NFIA: variants seen among roughly 807,000 people sequenced by gnomAD.
NFIA encodes nuclear factor I A.
Under a neutral mutation model 62.8 loss-of-function variants are expected in NFIA, and 8 were observed. The ratio of observed to expected loss-of-function variants is 0.13; its 90% CI spans 0.07 to 0.23. NFIA has a LOEUF of 0.23. Ranked by LOEUF, NFIA falls within the 10% of genes least tolerant of loss-of-function variation. The pLI, the probability that NFIA is intolerant of heterozygous loss-of-function variation, is 1.00. For missense variants in NFIA, 410 were observed against 642.1 expected, an observed-to-expected ratio of 0.64 and a Z score of 3.91; for synonymous variants, 235 against 238.1, an observed-to-expected ratio of 0.99 and a Z score of 0.12.
intron 4 of NFIA, among the ~76,000 whole-genome samples, chr1:61,334,516 T>G (rs1661477532): frequency 2.9e-5 from 4 of 138,354 alleles, no homozygotes; most frequent in African/African-American, 8.2e-5. Context: ...ATATGGGGAG[T>G]ATTTGTGTGT....
rs369116681 is a variant in NFIA, at chr1:61,435,304, A to G, written c.1512+8748A>G. Among the ~76,000 whole-genome samples the G allele has an allele frequency of 9.2e-5, 14 of 152,224 alleles. No homozygotes were observed. The East Asian group carries it at 9.6e-4, about 10-fold the overall frequency. On this transcript the variant is annotated intron_variant, in intron 10 of 10. Transcript: ENST00000403491. The stretch of plus-strand genomic sequence containing the variant: ...TCATCTGTGAAATGAAGGCAATAAT[A>G]GTATCTACCTCATAGAAGAAACCCC...
chr1:61,269,068 A>G (rs1239957277), intron 2 of NFIA, among the ~76,000 whole-genome samples: 2 of 152,168 alleles, frequency 1.3e-5, no homozygotes, highest in East Asian at 3.9e-4. Flanking sequence ...GGAGAATACA[A>G]ACAAGTAGAG....
At chr1:61,216,229 T>G (rs962163051) in intron 2 of NFIA, among the ~76,000 whole-genome samples, 3 of 152,184 alleles carry the variant, frequency 2.0e-5, no homozygotes, top group African/African-American at 7.2e-5. Context: ...TGCATAATCG[T>G]CCAGTGCTAT....
At chr1:61,248,196 C>T (rs1022666594) in intron 2 of NFIA, among the ~76,000 whole-genome samples, 1 of 152,170 alleles carries the variant, frequency 6.6e-6, no homozygotes, top group African/African-American at 2.4e-5. Context: ...AACCAAACCT[C>T]TGCATAATTA....
chr1:61,089,315 A>G (rs1421854162), intron 2 of NFIA, among the ~76,000 whole-genome samples: 1 of 152,238 alleles, frequency 6.6e-6, no homozygotes, highest in East Asian at 1.9e-4. Flanking sequence ...TGTATATTGC[A>G]TGAACACATT....
chr1:61,190,437 T>C (rs1172151491), intron 2 of NFIA, among the ~76,000 whole-genome samples: 1 of 152,258 alleles, frequency 6.6e-6, no homozygotes, highest in East Asian at 1.9e-4. Context: ...GTTGTGCTGC[T>C]GTAAGAATTG....
chr1:61,135,936 T>A (rs1285478708), intron 2 of NFIA, among the ~76,000 whole-genome samples: 1 of 152,280 alleles, frequency 6.6e-6, no homozygotes, highest in East Asian at 1.9e-4. Context: ...CAGCTTTTTT[T>A]AAGTAGCAAG....
At chr1:61,438,427 A>G (rs1270858547) in intron 10 of NFIA, among the ~76,000 whole-genome samples, 1 of 152,158 alleles carries the variant, frequency 6.6e-6, no homozygotes, top group African/African-American at 2.4e-5. Flanking sequence ...GACCACAAAG[A>G]AGAAACAGAA....
At chr1:61,442,676 A>G (rs1667638122) in intron 10 of NFIA, among the ~76,000 whole-genome samples, 2 of 152,238 alleles carry the variant, frequency 1.3e-5, no homozygotes, top group Non-Finnish European at 2.9e-5. Flanking sequence ...TTTGATAGAT[A>G]TTTATGAAAA....
chr1:61,441,599 A>C (rs1667586818), intron 10 of NFIA, among the ~76,000 whole-genome samples: 1 of 152,210 alleles, frequency 6.6e-6, no homozygotes, highest in Non-Finnish European at 1.5e-5. Flanking sequence ...AATTAGAATA[A>C]AACTGAAATT....
chr1:61,385,875 C>A (rs1664656724), intron 7 of NFIA: 1 of 152,180 alleles, frequency 6.6e-6, no homozygotes, highest in Non-Finnish European at 1.5e-5. Context: ...CACCAGAATT[C>A]AAGATGGCTC....
At chr1:61,110,893 G>A (rs1179636204) in intron 2 of NFIA, among the ~76,000 whole-genome samples, 1 of 152,080 alleles carries the variant, frequency 6.6e-6, no homozygotes, top group Non-Finnish European at 1.5e-5. Context: ...ACATGTTAAT[G>A]TTCTGCATTT....
At chr1:61,112,760 C>T (rs138591127) in intron 2 of NFIA, among the ~76,000 whole-genome samples, 142 of 152,240 alleles carry the variant, frequency 9.3e-4, no homozygotes, top group African/African-American at 3.0e-3. Context: ...GGATTAATGA[C>T]GTTTTCATAC....
Position 61,458,223 on chromosome 1 carries a change from G to GA in NFIA, c.*2909dup, listed in dbSNP as rs1295385810. On this transcript the variant is annotated 3_prime_UTR_variant, in exon 11 of 11. Transcript: ENST00000403491. ...AAAAGGAAAAAAAGAAAAAAAAAAA[G>GA]AAAAAATAGCAGCTTTCAGTGCTTC... is the stretch of plus-strand genomic sequence containing the variant. 1 of 147,684 alleles carries GA rather than the reference G, an allele frequency of 6.8e-6. No individual in the cohort carries two copies. The highest frequency in any genetic ancestry group is 2.5e-5 in the African/African-American group (1 of 39,846). The allele number at this position is 147,684 out of a possible 1,614,324, so 9.1% of individuals were successfully genotyped here. A position where few individuals can be genotyped will look rare whatever the true frequency, so the allele number is the denominator to read the frequency against.
At chr1:61,105,637 C>CT (rs1282343709) in intron 2 of NFIA, among the ~76,000 whole-genome samples, 3 of 151,878 alleles carry the variant, frequency 2.0e-5, no homozygotes, top group African/African-American at 7.2e-5. Flanking sequence ...TAGAGAGTAA[C>CT]TTTATATCAG....
intron 2 of NFIA, among the ~76,000 whole-genome samples, chr1:61,226,648 CTTTTTATTTTTA>C (rs774423279): frequency 6.6e-6 from 1 of 152,162 alleles, no homozygotes; most frequent in Non-Finnish European, 1.5e-5. Flanking sequence ...CCCCTCCCAT[CTTTTTATTTTTA>C]TTTTTATTTT....
chr1:61,419,514 A>C (rs1278200201), intron 9 of NFIA, among the ~76,000 whole-genome samples: 2 of 152,200 alleles, frequency 1.3e-5, no homozygotes, highest in Non-Finnish European at 2.9e-5. Context: ...GATTTTGGTA[A>C]CATAAGGTCA....
chr1:61,212,662 TTG>T (rs1653341557), intron 2 of NFIA, among the ~76,000 whole-genome samples: 1 of 152,192 alleles, frequency 6.6e-6, no homozygotes, highest in Non-Finnish European at 1.5e-5. Flanking sequence ...AAAGAGAACT[TTG>T]TGGTTTGATG....
chr1:61,141,367 C>T (rs186471012), intron 2 of NFIA, among the ~76,000 whole-genome samples: 119 of 152,122 alleles, frequency 7.8e-4, no homozygotes, highest in African/African-American at 2.8e-3. Context: ...TTAACCCTGT[C>T]GTCCAAACCA....
Sources: gnomAD v4.1 joint callset for allele counts (sites outside exome capture counted in the v4.1 genomes callset) on GRCh38, gnomAD v4.1.1 for gene constraint, MANE v1.5 for transcripts, NCBI Gene and HGNC (gene_info 2026-07-23, HGNC 2026-07-21) for gene names.